Variants in ATG10 observed in about 807,000 individuals in gnomAD.
The protein encoded by ATG10 is autophagy related 10, also known as ubiquitin-like-conjugating enzyme ATG10.
In ATG10, 30 loss-of-function variants were observed where a neutral mutation model predicts 32.1. That is an observed-to-expected ratio of 0.94 (90% CI 0.70 to 1.27). The LOEUF is 1.27. Among genes scored for constraint, ATG10 ranks in the 50% most tolerant of loss-of-function variants. The pLI is 0.00. For synonymous variants in ATG10, 87 were observed against 91.5 expected, an observed-to-expected ratio of 0.95 and a Z score of 0.28; for missense variants, 233 against 262.3, an observed-to-expected ratio of 0.89 and a Z score of 0.77.
At chr5:82,051,633 A>G (rs1220760703) in intron 2 of ATG10, among the ~76,000 whole-genome samples, 1 of 152,134 alleles carries the variant, frequency 6.6e-6, no homozygotes. Flanking sequence ...ATCAGAGTTC[A>G]CCCTGGCCAG....
At chr5:81,997,473 A>G (rs1301893962) in intron 2 of ATG10, among the ~76,000 whole-genome samples, 2 of 152,328 alleles carry the variant, frequency 1.3e-5, no homozygotes, top group East Asian at 3.9e-4. Context: ...TGGCAACTCA[A>G]AAAGCCAGAG....
chr5:82,184,606 G>C (rs1262332725), intron 5 of ATG10, among the ~76,000 whole-genome samples: 3 of 151,898 alleles, frequency 2.0e-5, no homozygotes, highest in Non-Finnish European at 2.9e-5. Flanking sequence ...CCTGACTTTT[G>C]TGGGCCTTAG....
At chr5:82,028,125 A>G (rs1762645059) in intron 2 of ATG10, among the ~76,000 whole-genome samples, 2 of 152,222 alleles carry the variant, frequency 1.3e-5, no homozygotes, top group Admixed American at 1.3e-4. Context: ...TGAGGCCAAT[A>G]AAGAAAAGGA....
chr5:82,073,694 G>C (rs1581660712), intron 3 of ATG10: 1 of 152,196 alleles, frequency 6.6e-6, no homozygotes, highest in Non-Finnish European at 1.5e-5. Flanking sequence ...TGCTGTGAAA[G>C]TAAAACACAT....
At chr5:82,220,066 G>A (rs13183503) in intron 5 of ATG10, among the ~76,000 whole-genome samples, 3,620 of 152,300 alleles carry the variant, frequency 0.024, 76 homozygotes, top group Non-Finnish European at 0.04. Context: ...GGGAGAATAA[G>A]CAAAGGCCTC....
At chr5:82,104,958 A>G (rs1398518125) in intron 3 of ATG10, among the ~76,000 whole-genome samples, 1 of 152,126 alleles carries the variant, frequency 6.6e-6, no homozygotes, top group African/African-American at 2.4e-5. Flanking sequence ...ACATAGTTGA[A>G]TTGGTTTTGT....
At chr5:82,006,706 A>G (rs1308283037) in intron 2 of ATG10, among the ~76,000 whole-genome samples, 2 of 151,974 alleles carry the variant, frequency 1.3e-5, no homozygotes, top group Non-Finnish European at 2.9e-5. Flanking sequence ...TTAAGTATAC[A>G]GTACGGTAGT....
intron 5 of ATG10, among the ~76,000 whole-genome samples, chr5:82,182,185 GGTCAGATAA>G (rs1053449976): frequency 2.0e-5 from 3 of 152,144 alleles, no homozygotes; most frequent in African/African-American, 7.2e-5. Flanking sequence ...GGTGTATAGT[GGTCAGATAA>G]GTAATTTTTT....
intron 5 of ATG10, among the ~76,000 whole-genome samples, chr5:82,194,684 A>G (rs1013156027): frequency 6.6e-6 from 1 of 152,200 alleles, no homozygotes; most frequent in Non-Finnish European, 1.5e-5. Context: ...ATTGGATAGT[A>G]TGGATTTCAT....
intron 3 of ATG10, among the ~76,000 whole-genome samples, chr5:82,159,698 C>G (rs1743227764): frequency 6.6e-6 from 1 of 152,094 alleles, no homozygotes; most frequent in Non-Finnish European, 1.5e-5. Context: ...ACTTACCCCT[C>G]TCCTGTATTA....
intron 3 of ATG10, among the ~76,000 whole-genome samples, chr5:82,105,693 G>T (rs1490805926): frequency 6.6e-6 from 1 of 152,010 alleles, no homozygotes; most frequent in African/African-American, 2.4e-5. Context: ...ACTCCTTTGT[G>T]CCTGGCTGCC....
rs568368059 is a variant in ATG10 at position 81,996,766 on chromosome 5, T to G, written c.108+9088T>G. ...AACTGTTTAGAACTGGGTTAAATCC[T>G]AGATATGACTTGTATCCTCATGCAA... On this transcript the variant is annotated intron_variant, in intron 2 of 7. Transcript: ENST00000282185. Among the ~76,000 whole-genome samples, 7 of 152,362 alleles carry G rather than the reference T, an allele frequency of 4.6e-5. No individual in the cohort carries two copies. The South Asian group carries it at 8.3e-4, about 18-fold the overall frequency.
intron 2 of ATG10, among the ~76,000 whole-genome samples, chr5:82,001,086 G>T (rs1337174635): frequency 5.9e-5 from 9 of 152,154 alleles, no homozygotes; most frequent in Admixed American, 2.0e-4. Context: ...GGAGGTAAAT[G>T]AGCTCTACCA....
At chr5:82,218,043 T>C (rs1745758850) in intron 5 of ATG10, among the ~76,000 whole-genome samples, 1 of 101,110 alleles carries the variant, frequency 9.9e-6, no homozygotes, top group Admixed American at 1.1e-4. Flanking sequence ...CAGAACACTG[T>C]TCTCTCTTTA....
intron 3 of ATG10, among the ~76,000 whole-genome samples, chr5:82,154,219 C>G (rs1477948807): frequency 6.6e-6 from 1 of 152,072 alleles, no homozygotes; most frequent in Non-Finnish European, 1.5e-5. Flanking sequence ...GGAACAAACC[C>G]ACACTCATTA....
Position 81,989,367 on chromosome 5 carries a change from G to T in ATG10, c.108+1689G>T, listed in dbSNP as rs555332061. Among the ~76,000 whole-genome samples the T allele has an allele frequency of 3.3e-5, 5 of 152,284 alleles. No homozygotes were observed. The South Asian group carries it at 1.0e-3, about 32-fold the overall frequency. Reference sequence around the variant, plus strand: ...GTCCAGAGTGTCACTGGGGAAACAAGCCATGATTTCCTCTTGGGTCATGTG... The same window carrying T: ...GTCCAGAGTGTCACTGGGGAAACAATCCATGATTTCCTCTTGGGTCATGTG... On this transcript the variant is annotated intron_variant, in intron 2 of 7. Coordinates refer to ENST00000282185, the MANE Select transcript of ATG10 (RefSeq NM_031482.5).
chr5:82,162,412 A>G (rs1430073674), intron 3 of ATG10, among the ~76,000 whole-genome samples: 1 of 152,152 alleles, frequency 6.6e-6, no homozygotes, highest in East Asian at 1.9e-4. Context: ...ATAGGAAAAG[A>G]GCATTCTCAG....
intron 2 of ATG10, among the ~76,000 whole-genome samples, chr5:81,994,748 C>T (rs915111563): frequency 6.6e-6 from 1 of 152,124 alleles, no homozygotes; most frequent in Non-Finnish European, 1.5e-5. Flanking sequence ...CTTACTCTAG[C>T]CTTCTTAGTT....
At chr5:82,152,815 T>C (rs1581747664) in intron 3 of ATG10, among the ~76,000 whole-genome samples, 1 of 152,228 alleles carries the variant, frequency 6.6e-6, no homozygotes, top group East Asian at 1.9e-4. Flanking sequence ...ATATTAGGGT[T>C]GAGTGCTTAA....
Sources: allele counts gnomAD v4.1 joint callset (sites outside exome capture counted in the v4.1 genomes callset), GRCh38; gene constraint gnomAD v4.1.1; transcripts MANE v1.5; gene names NCBI Gene and HGNC (gene_info 2026-07-23, HGNC 2026-07-21).